Variants in ROBO2 observed in about 807,000 individuals in gnomAD.
The protein encoded by ROBO2 is roundabout guidance receptor 2, also known as roundabout homolog 2.
ROBO2 carries 53 observed loss-of-function variants against 160.8 expected under a neutral mutation model. The observed-to-expected ratio is 0.33, with a 90% CI of 0.26 to 0.41. The LOEUF is 0.41. Among genes scored for constraint, ROBO2 ranks in the 10% least tolerant of loss-of-function variants. ROBO2 has a pLI of 1.00. For synonymous variants in ROBO2, 664 were observed against 611.7 expected, an observed-to-expected ratio of 1.09 and a Z score of -1.26; for missense variants, 1,577 against 1,722.4, an observed-to-expected ratio of 0.92 and a Z score of 1.49.
Position 76,361,772 on chromosome 3 carries a change from C to T in ROBO2, c.109+424170C>T, listed in dbSNP as rs560479849. Among the ~76,000 whole-genome samples the T allele has an allele frequency of 4.6e-5, 7 of 151,948 alleles. No homozygotes were observed. The South Asian group carries it at 6.2e-4, about 14-fold the overall frequency. On this transcript the variant is annotated intron_variant, in intron 2 of 26. Transcript: ENST00000487694. ...ATCCTGAAATTGAAAAGAAACACAC[C>T]GTGAAGTATATTTGCTAATATTATA...
chr3:77,483,687 G>T (rs1337767420), intron 4 of ROBO2, among the ~76,000 whole-genome samples: 1 of 148,180 alleles, frequency 6.7e-6, no homozygotes, highest in Admixed American at 6.8e-5. Context: ...ACATTTTGTT[G>T]TTCAAAAAAA....
chr3:77,446,718 A>G (rs2080563493), intron 2 of ROBO2, among the ~76,000 whole-genome samples: 1 of 152,110 alleles, frequency 6.6e-6, no homozygotes, highest in Non-Finnish European at 1.5e-5. Flanking sequence ...TTAAATATGA[A>G]TGTCCGTTCT....
chr3:76,247,635 A>G (rs1425229699), intron 2 of ROBO2, among the ~76,000 whole-genome samples: 6 of 152,026 alleles, frequency 3.9e-5, no homozygotes, highest in Admixed American at 2.6e-4. Context: ...TCATTTGCTG[A>G]CTGCTCTCTC....
chr3:77,351,821 G>T (rs1031277008), intron 2 of ROBO2, among the ~76,000 whole-genome samples: 19 of 152,000 alleles, frequency 1.3e-4, no homozygotes, highest in African/African-American at 4.6e-4. Flanking sequence ...AATAAGAGTC[G>T]CAGGTTTTTT....
At chr3:77,156,104 T>C (rs903251906) in intron 2 of ROBO2, among the ~76,000 whole-genome samples, 3 of 151,952 alleles carry the variant, frequency 2.0e-5, no homozygotes, top group Non-Finnish European at 4.4e-5. Context: ...TTTTTCTTTG[T>C]CTTAAAATTT....
At chr3:76,723,919 G>C (rs916195523) in intron 2 of ROBO2, among the ~76,000 whole-genome samples, 2 of 152,108 alleles carry the variant, frequency 1.3e-5, no homozygotes, top group Non-Finnish European at 2.9e-5. Context: ...AAATCAGCAA[G>C]TTCTGCATCA....
intron 2 of ROBO2, among the ~76,000 whole-genome samples, chr3:76,032,426 C>T (rs1013220594): frequency 2.6e-5 from 4 of 152,062 alleles, no homozygotes; most frequent in Non-Finnish European, 5.9e-5. Context: ...TCTTGCTTCT[C>T]TAGTTCTTTT....
intron 8 of ROBO2, among the ~76,000 whole-genome samples, chr3:77,555,506 A>G (rs2093081513): frequency 6.6e-6 from 1 of 152,030 alleles, no homozygotes; most frequent in Admixed American, 6.6e-5. Flanking sequence ...GTTTCAATAT[A>G]CTTGAGTTTC....
chr3:77,399,274 C>G (rs940467451), intron 2 of ROBO2, among the ~76,000 whole-genome samples: 1 of 152,184 alleles, frequency 6.6e-6, no homozygotes, highest in Non-Finnish European at 1.5e-5. Flanking sequence ...CATTAATTCC[C>G]TTCATATCTA....
At chr3:76,125,855 C>T (rs1191229917) in intron 2 of ROBO2, among the ~76,000 whole-genome samples, 1 of 152,090 alleles carries the variant, frequency 6.6e-6, no homozygotes, top group Non-Finnish European at 1.5e-5. Flanking sequence ...GACATGGAGT[C>T]TTGCTTTGTT....
intron 4 of ROBO2, among the ~76,000 whole-genome samples, chr3:77,486,079 G>C (rs1470694845): frequency 1.3e-5 from 2 of 152,102 alleles, no homozygotes; most frequent in African/African-American, 4.8e-5. Flanking sequence ...ATGGCTTCCA[G>C]CTCCATCTGT....
chr3:76,179,804 C>CT (rs1182530657), intron 2 of ROBO2, among the ~76,000 whole-genome samples: 5 of 152,118 alleles, frequency 3.3e-5, no homozygotes, highest in Admixed American at 2.0e-4. Context: ...ATTATACTTA[C>CT]ACACTGCCTT....
intron 2 of ROBO2, among the ~76,000 whole-genome samples, chr3:76,418,238 AGAGAGAGAGAGG>A (rs2075835817): frequency 6.6e-6 from 1 of 151,732 alleles, no homozygotes; most frequent in Admixed American, 6.6e-5. Context: ...AAATAGAGAG[AGAGAGAGAGAGG>A]GAGAGAGAGA....
intron 2 of ROBO2, among the ~76,000 whole-genome samples, chr3:76,852,842 A>G (rs1038380573): frequency 6.6e-6 from 1 of 152,150 alleles, no homozygotes; most frequent in Admixed American, 6.5e-5. Flanking sequence ...TGTTATATAT[A>G]TGTCGTGATA....
At position 76,846,287 on chromosome 3, in the gene ROBO2, ATCT is replaced by A. The variant is rs1374938294; in HGVS notation, c.110-251722_110-251720del. Among the ~76,000 whole-genome samples the A allele has an allele frequency of 3.3e-5, 5 of 152,262 alleles. No homozygotes were observed. In the East Asian group the frequency reaches 9.7e-4, roughly 29 times the overall value. ...CTGGTAATTAACAGAATAGTTATTA[ATCT>A]TCTTTGCACATAAACTAGTATTGAA... On this transcript the variant is annotated intron_variant, in intron 2 of 26. Transcript: ENST00000487694.
At chr3:77,262,820 G>A (rs573361929) in intron 2 of ROBO2, among the ~76,000 whole-genome samples, 4 of 152,116 alleles carry the variant, frequency 2.6e-5, no homozygotes, top group Non-Finnish European at 5.9e-5. Context: ...GCATTTACAG[G>A]AAGTCTGAGA....
Position 77,594,294 on chromosome 3 carries a change from G to C in ROBO2, c.2684-848G>C, listed in dbSNP as rs150103801. Among the ~76,000 whole-genome samples, 32 of 152,280 alleles carry C rather than the reference G, an allele frequency of 2.1e-4. 1 individual carries two copies. In the East Asian group the frequency reaches 6.2e-3, roughly 29 times the overall value. On this transcript the variant is annotated intron_variant, in intron 17 of 25. Transcript: ENST00000461745. ...TTTCTCAATTCTGAATCATTCTGGA[G>C]TCCAGATCCATTTGGCTGCAAAGGT...
chr3:76,894,135 G>A (rs2074581151), intron 2 of ROBO2, among the ~76,000 whole-genome samples: 1 of 150,852 alleles, frequency 6.6e-6, no homozygotes, highest in Non-Finnish European at 1.5e-5. Flanking sequence ...ATCTGTGGGA[G>A]GAAAAAAAAT....
At chr3:77,184,040 T>G (rs182089426) in intron 2 of ROBO2, among the ~76,000 whole-genome samples, 1 of 151,924 alleles carries the variant, frequency 6.6e-6, no homozygotes, top group African/African-American at 2.4e-5. Flanking sequence ...CAACTGAACC[T>G]CCAGGATAAA....
Sources: allele counts gnomAD v4.1 joint callset (sites outside exome capture counted in the v4.1 genomes callset), GRCh38; gene constraint gnomAD v4.1.1; transcripts MANE v1.5; gene names NCBI Gene and HGNC (gene_info 2026-07-23, HGNC 2026-07-21).